The following PKD2L2 variants were observed in gnomAD, a reference collection of about 807,000 sequenced individuals.
The protein encoded by PKD2L2 is polycystin-2-like protein 2.
Under a neutral mutation model 83.9 loss-of-function variants are expected in PKD2L2, and 67 were observed. The observed-to-expected ratio is 0.80, with a 90% CI of 0.66 to 0.98. The LOEUF (loss-of-function observed/expected upper bound fraction) is 0.98. Ranked by LOEUF, PKD2L2 falls within the 50% of genes least tolerant of loss-of-function variation. The pLI, the probability that PKD2L2 is intolerant of heterozygous loss-of-function variation, is 0.00. For missense variants in PKD2L2, 632 were observed against 717.2 expected, an observed-to-expected ratio of 0.88 and a Z score of 1.36; for synonymous variants, 223 against 237.8, an observed-to-expected ratio of 0.94 and a Z score of 0.57.
At position 137,906,425 on chromosome 5, in the gene PKD2L2, A is replaced by C. The variant is rs768869767; in HGVS notation, c.966A>C (p.Leu322=). Residue 322 remains leucine (L), a synonymous_variant, in exon 6 of 15, where the codon CTA becomes CTC. Transcript: ENST00000508883. Reference sequence around the variant, plus strand: ...GTATTTGGAACTGGCTAGAATTGCTACTTTTGCTGGTGAGTATATATTCAT... The same window carrying C: ...GTATTTGGAACTGGCTAGAATTGCTCCTTTTGCTGGTGAGTATATATTCAT... ...FKSIWNWLEL[L]LLLLCFVAVS... is the part of the protein sequence containing the mutation. The C allele has an allele frequency of 6.3e-7, 1 of 1,576,134 alleles. No individual in the cohort carries two copies. The highest frequency in any genetic ancestry group is 1.1e-5 in the South Asian group (1 of 89,618).
intron 9 of PKD2L2, among the ~76,000 whole-genome samples, chr5:137,923,206 G>A (rs1339023786): frequency 6.6e-6 from 1 of 151,940 alleles, no homozygotes; most frequent in African/African-American, 2.4e-5. Context: ...AGTAGAGACA[G>A]GGTTTTGCCA....
At position 137,921,669 on chromosome 5, in the gene PKD2L2, T is replaced by A. The variant is rs370748161; in HGVS notation, c.1362T>A (p.Phe454Leu). The A allele has an allele frequency of 1.9e-6, 3 of 1,599,128 alleles. No homozygotes were observed. Among genetic ancestry groups the A allele is most frequent in the Non-Finnish European group, 2.6e-6 (3 of 1,170,774 alleles). Reference sequence around the variant, plus strand: ...AATTTCGAATTGTTCTTGGAGATTTTAATTTTGCTGGTATTCAGCAAGCCA... The same window carrying A: ...AATTTCGAATTGTTCTTGGAGATTTAAATTTTGCTGGTATTCAGCAAGCCA... Reference protein sequence around the residue: ...FAQFRIVLGDFNFAGIQQANP... With the variant: ...FAQFRIVLGDLNFAGIQQANP... Residue 454 changes from phenylalanine to leucine, a missense_variant, in exon 9 of 15, where the codon TTT becomes TTA. Coordinates refer to ENST00000508883, the MANE Select transcript of PKD2L2 (RefSeq NM_001300921.2).
chr5:137,917,354 G>T (rs1404037418), intron 8 of PKD2L2, among the ~76,000 whole-genome samples: 1 of 151,794 alleles, frequency 6.6e-6, no homozygotes, highest in Admixed American at 6.6e-5. Flanking sequence ...AGTAGAGTCT[G>T]GGTTTCACCA....
chr5:137,891,277 G>A (rs1306665459), intron 2 of PKD2L2, among the ~76,000 whole-genome samples: 2 of 152,124 alleles, frequency 1.3e-5, no homozygotes, highest in African/African-American at 4.8e-5. Context: ...TTGTAGGGGT[G>A]AGTTTGAGTC....
intron 8 of PKD2L2, among the ~76,000 whole-genome samples, chr5:137,917,468 TTTC>T (rs1294903451): frequency 1.3e-5 from 2 of 152,084 alleles, no homozygotes; most frequent in Non-Finnish European, 2.9e-5. Context: ...CCTGTTCACT[TTTC>T]TTCTTTTTTC....
At chr5:137,904,662 G>A (rs978837753) in intron 5 of PKD2L2, among the ~76,000 whole-genome samples, 2 of 152,136 alleles carry the variant, frequency 1.3e-5, no homozygotes, top group Non-Finnish European at 2.9e-5. Flanking sequence ...CTGTCAGGAA[G>A]TACGCTTAGT....
chr5:137,942,665 A>AT lies in PKD2L2; in HGVS notation c.*308dup, dbSNP rs962594449. 151 of 520,398 alleles carry AT rather than the reference A, an allele frequency of 2.9e-4. No individual in the cohort carries two copies. Among genetic ancestry groups the AT allele is most frequent in the East Asian group, 4.3e-4 (12 of 28,200 alleles). 32.2% of individuals were successfully genotyped at this position (520,398 alleles called of 1,614,324 possible). A position where few individuals can be genotyped will look rare whatever the true frequency, so the allele number is the denominator to read the frequency against. On this transcript the variant is annotated 3_prime_UTR_variant, in exon 15 of 15. Coordinates refer to ENST00000508883, the MANE Select transcript of PKD2L2 (RefSeq NM_001300921.2). ...GGCATGAGCCACTGTGCCTGGCTAG[A>AT]TTTTTTTTTAATTTTTGAAATACAG...
intron 8 of PKD2L2, among the ~76,000 whole-genome samples, chr5:137,917,165 T>TC (rs1451574196): frequency 9.6e-5 from 14 of 145,502 alleles, no homozygotes; most frequent in South Asian, 6.5e-4. Context: ...CACTTTTCTT[T>TC]TTTTTTTTTT....
chr5:137,890,325 C>T (rs1198767279), intron 1 of PKD2L2, 156 bp from the exon 2 acceptor site: 2 of 556,718 alleles, frequency 3.6e-6, no homozygotes, highest in Non-Finnish European at 3.2e-6. Context: ...AAAAAATTAT[C>T]CCTGCCTCGT....
At chr5:137,890,281 CA>C (rs890405684) in intron 1 of PKD2L2, 199 bp from the exon 2 acceptor site, 2,490 of 396,850 alleles carry the variant, frequency 6.3e-3, no homozygotes, top group Middle Eastern at 8.0e-3. Context: ...GACTCCGTCT[CA>C]AAAAAAAAAT....
intron 8 of PKD2L2, among the ~76,000 whole-genome samples, chr5:137,915,257 T>A (rs935842527): frequency 7.2e-5 from 11 of 152,004 alleles, no homozygotes; most frequent in South Asian, 2.1e-4. Flanking sequence ...ATGCTGGCCA[T>A]GTAAAATGAG....
intron 8 of PKD2L2, among the ~76,000 whole-genome samples, chr5:137,921,294 G>C (rs1488884846): frequency 3.3e-5 from 5 of 151,574 alleles, no homozygotes; most frequent in Non-Finnish European, 7.4e-5. Flanking sequence ...CTGGAAGACA[G>C]AGGTTGCAGT....
chr5:137,942,061 T>C, intron 14 of PKD2L2: 3 of 1,590,820 alleles, frequency 1.9e-6, no homozygotes, highest in Non-Finnish European at 1.7e-6. Flanking sequence ...ATTGAAATGG[T>C]AAAATACTGA....
chr5:137,894,301 T>G (rs1486294794), intron 3 of PKD2L2, 52 bp from the exon 4 acceptor site: 1 of 1,470,234 alleles, frequency 6.8e-7, no homozygotes, highest in Non-Finnish European at 9.2e-7. Context: ...TGAATGTAGA[T>G]TCTGTTGACA....
chr5:137,921,312 G>A (rs1452859904), intron 8 of PKD2L2, among the ~76,000 whole-genome samples: 4 of 148,906 alleles, frequency 2.7e-5, no homozygotes, highest in African/African-American at 7.4e-5. Flanking sequence ...AGTGAGCCGA[G>A]ATAGCACCAC....
chr5:137,908,952 C>T lies in PKD2L2; in HGVS notation c.1328+6C>T, dbSNP rs532188798. 8.3e-6 allele frequency: 13 copies of T among 1,558,710 alleles called. No homozygotes were observed. The Middle Eastern group carries it at 5.6e-4, about 67-fold the overall frequency. On this transcript the variant is annotated splice_donor_region_variant and intron_variant, in intron 8 of 14. Transcript: ENST00000508883. ...TCCACTTTTCAGAATTCCATGTAAG[C>T]TCTTAGTATAAATGTAATTATATCT...
At chr5:137,913,356 A>T (rs1405257750) in intron 8 of PKD2L2, among the ~76,000 whole-genome samples, 1 of 128,770 alleles carries the variant, frequency 7.8e-6, no homozygotes, top group African/African-American at 3.0e-5. Flanking sequence ...GCTGATTTTT[A>T]AAAATTTTTT....
chr5:137,907,886 AT>A lies in PKD2L2; in HGVS notation c.1122del (p.Thr375ProfsTer7). ...CATTTATTACAATAATATAATTGCT[AT>A]TACCATCTTTTTTGCATGGATAAAG... is the stretch of plus-strand genomic sequence containing the variant. ...WHIYYNNIIA[I>X]TIFFAWIKIF... is the part of the protein sequence containing the mutation. On this transcript the variant is annotated frameshift_variant, in exon 7 of 15. Transcript: ENST00000508883. LOFTEE classifies it high-confidence loss of function. The A allele has an allele frequency of 6.9e-7, 1 of 1,450,050 alleles. No individual in the cohort carries two copies. The highest frequency in any genetic ancestry group is 9.5e-7 in the Non-Finnish European group (1 of 1,047,370). 89.8% of individuals were successfully genotyped at this position (1,450,050 alleles called of 1,614,324 possible). A position where few individuals can be genotyped will look rare whatever the true frequency, so the allele number is the denominator to read the frequency against.
chr5:137,926,760 G>C (rs1261161618), intron 12 of PKD2L2, among the ~76,000 whole-genome samples: 1 of 152,176 alleles, frequency 6.6e-6, no homozygotes, highest in African/African-American at 2.4e-5. Flanking sequence ...ACATGGGTTT[G>C]AACTGCACAG....
Sources: allele counts gnomAD v4.1 joint callset (sites outside exome capture counted in the v4.1 genomes callset), GRCh38; gene constraint gnomAD v4.1.1; transcripts MANE v1.5; gene names NCBI Gene and HGNC (gene_info 2026-07-23, HGNC 2026-07-21).